The following ZFAT variants were observed in gnomAD, a reference collection of about 807,000 sequenced individuals.
The protein encoded by ZFAT is zinc finger protein ZFAT.
ZFAT carries 64 observed loss-of-function variants against 117.7 expected under a neutral mutation model. The ratio of observed to expected loss-of-function variants is 0.54; its 90% confidence interval spans 0.44 to 0.67. The LOEUF (loss-of-function observed/expected upper bound fraction) is 0.67. Among genes scored for constraint, ZFAT ranks in the 30% least tolerant of loss-of-function variants. The pLI, the probability that ZFAT is intolerant of heterozygous loss-of-function variation, is 0.00. For missense variants in ZFAT, 1,433 were observed against 1,584.5 expected, an observed-to-expected ratio of 0.90 and a Z score of 1.62; for synonymous variants, 679 against 615.0, an observed-to-expected ratio of 1.10 and a Z score of -1.54.
chr8:134,796,782 A>G, the ZFAT span: 3 of 152,228 alleles, frequency 2.0e-5, no homozygotes, highest in African/African-American at 7.2e-5. Flanking sequence ...GATTCTCCAC[A>G]TATCATTAAT....
upstream of ZFAT, among the ~76,000 whole-genome samples, chr8:134,716,169 G>GTA (rs1814209369): frequency 1.5e-5 from 2 of 134,608 alleles, no homozygotes; most frequent in Admixed American, 7.7e-5. Flanking sequence ...ATGTATATAT[G>GTA]CACACACACA....
the ZFAT span, among the ~76,000 whole-genome samples, chr8:134,730,460 T>C: frequency 6.6e-6 from 1 of 152,212 alleles, no homozygotes; most frequent in African/African-American, 2.4e-5. Context: ...AAGAGAGACC[T>C]TTATCAGTCC....
rs1009307416 is a variant in ZFAT, at chr8:134,589,563, C to T, written c.2563+705G>A. ...GCCTGTAGAGGCACTGGAGATGAGG[C>T]GGGATAAGCCCCGACTCAGGGAGCC... On this transcript the variant is annotated intron_variant, in intron 8 of 15. Transcript: ENST00000377838. Among the ~76,000 whole-genome samples, 10 of 152,318 alleles carry T rather than the reference C, an allele frequency of 6.6e-5. No individual in the cohort carries two copies. In the East Asian group the frequency reaches 7.7e-4, roughly 12 times the overall value.
At chr8:134,686,101 T>A (rs1586950225) in intron 1 of ZFAT, among the ~76,000 whole-genome samples, 1 of 152,334 alleles carries the variant, frequency 6.6e-6, no homozygotes, top group East Asian at 1.9e-4. Flanking sequence ...ACAGCTCAGG[T>A]GCCCTGGCCA....
At chr8:134,747,009 T>C in the ZFAT span, among the ~76,000 whole-genome samples, 1 of 152,354 alleles carries the variant, frequency 6.6e-6, no homozygotes, top group Non-Finnish European at 1.5e-5. Flanking sequence ...ATAAACTACC[T>C]GTTAAAAATC....
At chr8:134,831,884 C>A in the ZFAT span, among the ~76,000 whole-genome samples, 1 of 152,002 alleles carries the variant, frequency 6.6e-6, no homozygotes. Flanking sequence ...GGCCGTGTCC[C>A]GAGAGCCTGT....
At chr8:134,826,099 A>T in the ZFAT span, among the ~76,000 whole-genome samples, 1 of 152,142 alleles carries the variant, frequency 6.6e-6, no homozygotes, top group Non-Finnish European at 1.5e-5. Context: ...TTTCCATATG[A>T]TATTTACTCA....
chr8:134,659,079 G>C (rs956550112), intron 1 of ZFAT, among the ~76,000 whole-genome samples: 1 of 152,214 alleles, frequency 6.6e-6, no homozygotes, highest in Non-Finnish European at 1.5e-5. Flanking sequence ...ACGCTGCCTG[G>C]AAGTCACATG....
the ZFAT span, among the ~76,000 whole-genome samples, chr8:134,769,846 C>T: frequency 6.6e-6 from 1 of 152,350 alleles, no homozygotes; most frequent in South Asian, 2.1e-4. Flanking sequence ...GACTTCTGTG[C>T]ACTCACAGGC....
chr8:134,802,570 A>G, the ZFAT span, among the ~76,000 whole-genome samples: 2 of 152,348 alleles, frequency 1.3e-5, no homozygotes, highest in Middle Eastern at 3.4e-3. Context: ...TTTGAAATAA[A>G]TTGGAAGACC....
intron 11 of ZFAT, among the ~76,000 whole-genome samples, chr8:134,559,435 C>T (rs1050092694): frequency 6.6e-6 from 1 of 152,112 alleles, no homozygotes; most frequent in East Asian, 1.9e-4. Context: ...GTTTGTGTGC[C>T]CCATTGCCTA....
chr8:134,593,152 A>G (rs1826657064), intron 7 of ZFAT, among the ~76,000 whole-genome samples: 1 of 152,084 alleles, frequency 6.6e-6, no homozygotes, highest in African/African-American at 2.4e-5. Flanking sequence ...CGGTGCCCGC[A>G]TCATCAGAGT....
the ZFAT span, among the ~76,000 whole-genome samples, chr8:134,775,032 C>T: frequency 9.2e-5 from 14 of 152,160 alleles, no homozygotes; most frequent in African/African-American, 2.9e-4. Flanking sequence ...ACAGGAGAAT[C>T]GCTTGAACCC....
chr8:134,637,517 A>G lies in ZFAT; in HGVS notation c.392T>C (p.Leu131Pro). ...CCRKFSNTRQ[L>P]RKHICIIVLN... ...CACGATAATGCAGATGTGCTTCCGC[A>G]GCTGGCGCGTGTTGGAGAACTTCCG... Residue 131 changes from leucine to proline, a missense_variant, in exon 3 of 16, where the codon CTG becomes CCG. Physicochemically the swap from Leu to Pro is moderately conservative, Grantham distance 98 (BLOSUM62 -3). Around this residue, in one of 5 missense-constraint regions of ZFAT, gnomAD observed 436 missense variants for 482.0 expected, o/e 0.90. Transcript: ENST00000377838. The G allele has an allele frequency of 6.2e-7, 1 of 1,614,070 alleles. No homozygotes were observed. Among genetic ancestry groups the G allele is most frequent in the Non-Finnish European group, 8.5e-7 (1 of 1,179,936 alleles).
chr8:134,671,413 G>C (rs1332719246), intron 1 of ZFAT, among the ~76,000 whole-genome samples: 1 of 152,170 alleles, frequency 6.6e-6, no homozygotes, highest in Non-Finnish European at 1.5e-5. Flanking sequence ...CCATGATCAA[G>C]TGGGCTTCAT....
At chr8:134,583,112 C>T (rs146939215) in intron 10 of ZFAT, among the ~76,000 whole-genome samples, 69 of 145,394 alleles carry the variant, frequency 4.7e-4, no homozygotes, top group East Asian at 4.1e-3. Flanking sequence ...ACCGAGCTCA[C>T]CACCCACCTC....
Position 134,713,001 on chromosome 8 carries a change from T to G in ZFAT, c.-138A>C. ...TTTAAGAAAAGAGCCGGCGAGGTTA[T>G]GGCGAATCTGCGGCATCCAACATGG... On this transcript the variant is annotated 5_prime_UTR_variant, in exon 1 of 16. Coordinates refer to ENST00000377838, the MANE Select transcript of ZFAT (RefSeq NM_020863.4). The G allele has an allele frequency of 9.6e-7, 1 of 1,037,880 alleles. No individual in the cohort carries two copies. The allele number at this position is 1,037,880 out of a possible 1,614,324, so 64.3% of individuals were successfully genotyped here.
At chr8:134,732,990 T>C in the ZFAT span, among the ~76,000 whole-genome samples, 1 of 152,168 alleles carries the variant, frequency 6.6e-6, no homozygotes, top group Non-Finnish European at 1.5e-5. Context: ...TGTATCAATA[T>C]TGGTTCATCA....
intron 1 of ZFAT, 111 bp downstream of exon 1, chr8:134,712,733 GC>G: frequency 9.5e-7 from 1 of 1,055,246 alleles, no homozygotes. Flanking sequence ...CCGGCGGCCG[GC>G]GGCCGGCGGC....
Sources: gnomAD v4.1 joint callset for allele counts (sites outside exome capture counted in the v4.1 genomes callset) on GRCh38, gnomAD v4.1.1 for gene constraint, gnomAD v4.1.1 regional missense constraint, MANE v1.5 for transcripts, NCBI Gene and HGNC (gene_info 2026-07-23, HGNC 2026-07-21) for gene names.